TIMM23: variants seen among roughly 807,000 people sequenced by gnomAD.
The protein encoded by TIMM23 is mitochondrial import inner membrane translocase subunit Tim23.
Under a neutral mutation model 30.7 loss-of-function variants are expected in TIMM23, and 19 were observed. The ratio of observed to expected loss-of-function variants is 0.62; its 90% CI spans 0.43 to 0.91. The LOEUF is 0.91. Among genes scored for constraint, TIMM23 ranks in the 40% least tolerant of loss-of-function variants. The pLI, the probability that TIMM23 is intolerant of heterozygous loss-of-function variation, is 0.00. For missense variants in TIMM23, 202 were observed against 269.2 expected, an observed-to-expected ratio of 0.75 and a Z score of 1.75; for synonymous variants, 78 against 98.5, an observed-to-expected ratio of 0.79 and a Z score of 1.23.
chr10:46,001,024 C>A (rs1408550693), intron 6 of TIMM23, among the ~76,000 whole-genome samples: 2 of 152,178 alleles, frequency 1.3e-5, no homozygotes, highest in African/African-American at 4.8e-5. Flanking sequence ...TTGCAGATAC[C>A]TTTAGCATTT....
intron 5 of TIMM23, among the ~76,000 whole-genome samples, chr10:45,987,629 T>G (rs1176626820): frequency 6.9e-6 from 1 of 145,148 alleles, no homozygotes; most frequent in East Asian, 2.0e-4. Flanking sequence ...TTTTTTTTTT[T>G]TTTTTTTTTT....
At chr10:45,993,108 C>G (rs1215947242) in intron 6 of TIMM23, among the ~76,000 whole-genome samples, 3 of 152,142 alleles carry the variant, frequency 2.0e-5, no homozygotes, top group Non-Finnish European at 4.4e-5. Flanking sequence ...TTTGCACATA[C>G]ATTTTAGTTG....
rs1216695053 is a variant in TIMM23, at chr10:45,988,861, A to G, written c.514+14A>G. 5 of 1,608,672 alleles carry G rather than the reference A, an allele frequency of 3.1e-6. No individual in the cohort carries two copies. Among genetic ancestry groups the G allele is most frequent in the Non-Finnish European group, 4.3e-6 (5 of 1,175,390 alleles). On this transcript the variant is annotated intron_variant, in intron 6 of 6. Transcript: ENST00000580018. ...ATAAATGTACAGGTGAGTACTGTTG[A>G]ATGGGGAGCCATCTCTTAATACACT...
intron 6 of TIMM23, among the ~76,000 whole-genome samples, chr10:45,992,804 C>A (rs1838205714): frequency 6.6e-6 from 1 of 152,144 alleles, no homozygotes; most frequent in African/African-American, 2.4e-5. Flanking sequence ...GATCCGCCCA[C>A]CTCAGCCTCC....
In TIMM23 at chr10:45,978,307, A is replaced by G. The variant is rs1476706479; in HGVS notation, c.165+2795A>G. On this transcript the variant is annotated intron_variant, in intron 2 of 6. Coordinates refer to ENST00000580018, the MANE Select transcript of TIMM23 (RefSeq NM_006327.4). ...GGTCAAGTCTCAGCATAATCAAACC[A>G]CTTAACTCCAGCCTGGGTGACAGAG... Among the ~76,000 whole-genome samples, 14 of 152,286 alleles carry G rather than the reference A, an allele frequency of 9.2e-5. 1 individual carries two copies. The South Asian group carries it at 2.7e-3, about 29-fold the overall frequency.
In TIMM23 at chr10:45,982,555, T is replaced by C; in HGVS notation, c.198T>C (p.Ala66=). 6.2e-7 allele frequency: 1 copy of C among 1,613,974 alleles called. No individual in the cohort carries two copies. The highest frequency in any genetic ancestry group is 8.5e-7 in the Non-Finnish European group (1 of 1,179,862). Residue 66 remains alanine (A), a synonymous_variant, in exon 3 of 7, where the codon GCT becomes GCC. Coordinates refer to ENST00000580018, the MANE Select transcript of TIMM23 (RefSeq NM_006327.4). ...ATGAGTTTATTTTACCTACCGGAGC[T>C]AATAAAACCCGGGGCAGATTTGAGC... The part of the protein sequence containing the change: ...DTDEFILPTG[A]NKTRGRFELA...
intron 2 of TIMM23, among the ~76,000 whole-genome samples, chr10:45,976,836 T>G (rs1325817835): frequency 3.1e-4 from 47 of 152,180 alleles, no homozygotes; most frequent in South Asian, 6.2e-4. Flanking sequence ...AGTTAAACTA[T>G]CTGTTTACAA....
At position 45,993,964 on chromosome 10, in the gene TIMM23, G is replaced by A. The variant is rs1383570429; in HGVS notation, c.514+5117G>A. Among the ~76,000 whole-genome samples the A allele has an allele frequency of 1.1e-3, 160 of 152,308 alleles. 1 individual carries two copies. The highest frequency in any genetic ancestry group is 8.8e-3 in the Admixed American group (135 of 15,308). On this transcript the variant is annotated intron_variant, in intron 6 of 6. Coordinates refer to ENST00000580018, the MANE Select transcript of TIMM23 (RefSeq NM_006327.4). ...ATAATAAAATTCCGGGTGTGGTGGT[G>A]CACTCCAGCTTGGGTGATAGAGTGA...
intron 6 of TIMM23, among the ~76,000 whole-genome samples, chr10:45,994,148 T>G (rs1428614558): frequency 1.2e-3 from 177 of 152,254 alleles, no homozygotes; most frequent in Non-Finnish European, 2.1e-3. Flanking sequence ...AAGACCAGCC[T>G]GGCCAACATG....
intron 6 of TIMM23, among the ~76,000 whole-genome samples, chr10:45,996,290 A>T (rs1417245336): frequency 6.9e-6 from 1 of 144,266 alleles, no homozygotes; most frequent in African/African-American, 2.8e-5. Context: ...TGAACCTGGG[A>T]GGCAAGGCTT....
At chr10:45,980,079 C>T (rs1837799288) in intron 2 of TIMM23, among the ~76,000 whole-genome samples, 2 of 150,774 alleles carry the variant, frequency 1.3e-5, no homozygotes, top group South Asian at 2.1e-4. Flanking sequence ...AGAGGGACTT[C>T]AGACTTTAAA....
intron 1 of TIMM23, among the ~76,000 whole-genome samples, chr10:45,974,443 C>CA (rs1554912552): frequency 1.3e-4 from 20 of 152,252 alleles, no homozygotes; most frequent in African/African-American, 4.8e-4. Flanking sequence ...TGTCCTGAAA[C>CA]AAAACAAATT....
chr10:46,002,385 A>G, intron 6 of TIMM23: 2 of 301,386 alleles, frequency 6.6e-6, no homozygotes, highest in Non-Finnish European at 9.8e-6. Context: ...CGTGTTGCCT[A>G]GGTTGTTCTC....
intron 4 of TIMM23, among the ~76,000 whole-genome samples, chr10:45,983,499 G>A (rs61847090): frequency 2.0e-5 from 3 of 152,114 alleles, no homozygotes; most frequent in Admixed American, 1.3e-4. Context: ...TAAAAGGATC[G>A]GAAAGTATGT....
chr10:45,990,840 C>T (rs1415504848), intron 6 of TIMM23: 3 of 370,086 alleles, frequency 8.1e-6, no homozygotes, highest in East Asian at 8.0e-5. Flanking sequence ...GCTGTGTTAA[C>T]TCCGCTAAGA....
chr10:45,989,786 G>A (rs77775554), intron 6 of TIMM23, among the ~76,000 whole-genome samples: 1 of 152,170 alleles, frequency 6.6e-6, no homozygotes, highest in Non-Finnish European at 1.5e-5. Context: ...GGAGATCAAC[G>A]TGTTGCTGTC....
At chr10:45,972,843 G>C (rs1837536080) in intron 1 of TIMM23, 113 bp downstream of exon 1, 1 of 1,536,836 alleles carries the variant, frequency 6.5e-7, no homozygotes, top group South Asian at 1.2e-5. Context: ...GCATTTACAA[G>C]CTTAAGTACC....
intron 4 of TIMM23, among the ~76,000 whole-genome samples, chr10:45,983,198 T>A (rs1218770853): frequency 6.6e-6 from 1 of 152,276 alleles, no homozygotes; most frequent in Non-Finnish European, 1.5e-5. Flanking sequence ...TGTTACATTC[T>A]CCAACCCTAT....
intron 1 of TIMM23, among the ~76,000 whole-genome samples, chr10:45,973,904 CG>C (rs1206014833): frequency 6.6e-6 from 1 of 151,742 alleles, no homozygotes; most frequent in Non-Finnish European, 1.5e-5. Context: ...CCTCCTGTCT[CG>C]GCCTCCCAAA....
Sources: gnomAD v4.1 joint callset for allele counts (sites outside exome capture counted in the v4.1 genomes callset) on GRCh38, gnomAD v4.1.1 for gene constraint, MANE v1.5 for transcripts, NCBI Gene and HGNC (gene_info 2026-07-23, HGNC 2026-07-21) for gene names.